PTPRT: variants seen among roughly 807,000 people sequenced by gnomAD.
PTPRT encodes the protein receptor-type tyrosine-protein phosphatase T.
PTPRT carries 56 observed loss-of-function variants against 176.8 expected under a neutral mutation model. That is an observed-to-expected ratio of 0.32 (90% CI 0.26 to 0.40). The LOEUF (loss-of-function observed/expected upper bound fraction) is 0.40. Ranked by LOEUF, PTPRT falls within the 10% of genes least tolerant of loss-of-function variation. The pLI is 1.00. For synonymous variants in PTPRT, 783 were observed against 739.0 expected (o/e 1.06, Z -0.96); for missense variants, 1,540 against 1,908.2 (o/e 0.81, Z 3.60).
chr20:42,448,970 G>C (rs771136762), intron 8 of PTPRT, among the ~76,000 whole-genome samples: 1 of 152,124 alleles, frequency 6.6e-6, no homozygotes, highest in Non-Finnish European at 1.5e-5. Flanking sequence ...AGGGGCTGCT[G>C]GTTGGACAAG....
chr20:42,356,912 A>G (rs1168468551), intron 9 of PTPRT, among the ~76,000 whole-genome samples: 1 of 152,168 alleles, frequency 6.6e-6, no homozygotes, highest in Non-Finnish European at 1.5e-5. Context: ...CTCTTCTGTC[A>G]GCCTGGGCCC....
At chr20:42,794,758 A>G (rs2077428575) in intron 2 of PTPRT, among the ~76,000 whole-genome samples, 1 of 151,842 alleles carries the variant, frequency 6.6e-6, no homozygotes, top group African/African-American at 2.4e-5. Flanking sequence ...ACCTAAGGAT[A>G]TCATTAAGAG....
intron 1 of PTPRT, among the ~76,000 whole-genome samples, chr20:43,110,118 G>A (rs2012794535): frequency 6.6e-6 from 1 of 152,192 alleles, no homozygotes; most frequent in South Asian, 2.1e-4. Flanking sequence ...TCTGTATCAG[G>A]AGAAGGCCTC....
chr20:43,133,481 C>T (rs2013710348), intron 1 of PTPRT, among the ~76,000 whole-genome samples: 1 of 152,108 alleles, frequency 6.6e-6, no homozygotes, highest in Non-Finnish European at 1.5e-5. Context: ...CACGGTGGCT[C>T]ACGCCTGTAA....
rs141949285 is a variant in PTPRT at position 42,261,273 on chromosome 20, G to A, written c.2177-12451C>T. Among the ~76,000 whole-genome samples, 172 of 152,198 alleles carry A rather than the reference G, an allele frequency of 1.1e-3. 1 individual carries two copies. The highest frequency in any genetic ancestry group is 3.7e-3 in the African/African-American group (154 of 41,514). Reference sequence around the variant, plus strand: ...CATCACTCCAATCACTGCCCCTGTTGTCAATGACTTTCTCCCTATGAGTCT... The same window carrying A: ...CATCACTCCAATCACTGCCCCTGTTATCAATGACTTTCTCCCTATGAGTCT... On this transcript the variant is annotated intron_variant, in intron 13 of 30. Coordinates refer to ENST00000373187, the MANE Select transcript of PTPRT (RefSeq NM_007050.6).
At chr20:43,109,437 T>G (rs1356321242) in intron 1 of PTPRT, among the ~76,000 whole-genome samples, 3 of 152,134 alleles carry the variant, frequency 2.0e-5, no homozygotes, top group Non-Finnish European at 4.4e-5. Flanking sequence ...ATCTCGACTC[T>G]GAGCACTTAG....
intron 8 of PTPRT, among the ~76,000 whole-genome samples, chr20:42,459,914 G>C (rs1451764177): frequency 1.3e-5 from 2 of 151,148 alleles, no homozygotes; most frequent in Non-Finnish European, 3.0e-5. Context: ...ACCATCCCCA[G>C]CCAGAAGGGA....
intron 15 of PTPRT, among the ~76,000 whole-genome samples, chr20:42,207,300 T>C (rs1374186552): frequency 6.6e-6 from 1 of 151,978 alleles, no homozygotes; most frequent in Non-Finnish European, 1.5e-5. Flanking sequence ...GAGAATGACT[T>C]TGACGAGCTG....
intron 7 of PTPRT, among the ~76,000 whole-genome samples, chr20:42,582,154 T>C (rs2073384746): frequency 6.6e-6 from 1 of 152,140 alleles, no homozygotes; most frequent in South Asian, 2.1e-4. Flanking sequence ...TGGATCTGAA[T>C]CTGGTCTGTT....
chr20:42,249,578 T>C (rs16986712), intron 13 of PTPRT, among the ~76,000 whole-genome samples: 16,023 of 152,188 alleles, frequency 0.11, 1,065 homozygotes, highest in East Asian at 0.18. Flanking sequence ...GACGAGATAC[T>C]GATTTTCCCA....
chr20:42,558,204 T>C (rs2072893140), intron 7 of PTPRT, among the ~76,000 whole-genome samples: 1 of 152,108 alleles, frequency 6.6e-6, no homozygotes, highest in African/African-American at 2.4e-5. Flanking sequence ...TGTGTTCTCA[T>C]CATTTACCTC....
At chr20:42,259,538 C>T (rs1177935780) in intron 13 of PTPRT, among the ~76,000 whole-genome samples, 2 of 152,182 alleles carry the variant, frequency 1.3e-5, no homozygotes, top group Non-Finnish European at 2.9e-5. Flanking sequence ...TGCCAAGACC[C>T]AGCTGGGGTA....
intron 7 of PTPRT, among the ~76,000 whole-genome samples, chr20:42,562,956 A>C (rs1456075284): frequency 6.6e-6 from 1 of 152,192 alleles, no homozygotes; most frequent in Non-Finnish European, 1.5e-5. Context: ...AAAACAAAAC[A>C]ATAAAAGTGC....
intron 1 of PTPRT, among the ~76,000 whole-genome samples, chr20:43,087,723 G>A (rs1194480371): frequency 6.6e-6 from 1 of 152,052 alleles, no homozygotes; most frequent in Non-Finnish European, 1.5e-5. Context: ...TATTAAAGGA[G>A]GGACGAATCT....
chr20:42,885,434 C>T (rs1051349297), intron 2 of PTPRT, among the ~76,000 whole-genome samples: 1 of 150,544 alleles, frequency 6.6e-6, no homozygotes, highest in African/African-American at 2.4e-5. Flanking sequence ...TTGAAGTTTC[C>T]CTAAATATAT....
At chr20:43,014,093 T>C (rs1275066282) in intron 1 of PTPRT, among the ~76,000 whole-genome samples, 1 of 152,162 alleles carries the variant, frequency 6.6e-6, no homozygotes, top group Non-Finnish European at 1.5e-5. Context: ...GGAGAGATAA[T>C]GATTAAAACA....
At chr20:42,813,460 T>C (rs771067666) in intron 2 of PTPRT, among the ~76,000 whole-genome samples, 26 of 151,848 alleles carry the variant, frequency 1.7e-4, no homozygotes, top group Non-Finnish European at 3.2e-4. Flanking sequence ...TCCTTGTTTC[T>C]TTTCTCTTCC....
At chr20:42,148,810 C>T (rs1033690600) in intron 17 of PTPRT, among the ~76,000 whole-genome samples, 2 of 152,160 alleles carry the variant, frequency 1.3e-5, no homozygotes, top group African/African-American at 4.8e-5. Context: ...CCAAACACCC[C>T]CATATTCTGG....
chr20:42,618,239 C>T (rs200217709), intron 7 of PTPRT, among the ~76,000 whole-genome samples: 3 of 118,926 alleles, frequency 2.5e-5, no homozygotes, highest in South Asian at 2.6e-4. Context: ...GTTTCCATGT[C>T]GTTGAGCGGC....
Sources: allele counts gnomAD v4.1 joint callset (sites outside exome capture counted in the v4.1 genomes callset), GRCh38; gene constraint gnomAD v4.1.1; transcripts MANE v1.5; gene names NCBI Gene and HGNC (gene_info 2026-07-23, HGNC 2026-07-21).